The following MGA variants were observed in gnomAD, a reference collection of about 807,000 sequenced individuals.
The protein encoded by MGA is MAX gene-associated protein.
In MGA, 40 loss-of-function variants were observed where a neutral mutation model predicts 261.1. That is an observed-to-expected ratio of 0.15 (90% CI 0.12 to 0.20). The LOEUF (loss-of-function observed/expected upper bound fraction) is 0.20, where lower values mean the gene tolerates loss of function less well. MGA is among the 10% of genes least tolerant of loss of function. MGA has a pLI of 1.00. For missense variants in MGA, 3,397 were observed against 3,630.5 expected (o/e 0.94, Z 1.65); for synonymous variants, 1,302 against 1,290.6 (o/e 1.01, Z -0.19).
intron 14 of MGA, among the ~76,000 whole-genome samples, chr15:41,741,455 A>ATG (rs1395671210): frequency 6.6e-6 from 1 of 152,116 alleles, no homozygotes; most frequent in East Asian, 1.9e-4. Context: ...GTTTGGAGAA[A>ATG]TGTCTTTATA....
chr15:41,657,339 CTTTTTTTTTTTTTTTTT>C (rs373920516), upstream of MGA, among the ~76,000 whole-genome samples: 616 of 106,934 alleles, frequency 5.8e-3, 19 homozygotes, highest in East Asian at 0.12. Flanking sequence ...AGTGAAGGCC[CTTTTTTTTTTTTTTTTT>C]TTTTTTTTTT....
intron 1 of MGA, among the ~76,000 whole-genome samples, chr15:41,622,220 G>T (rs1306855780): frequency 6.6e-6 from 1 of 152,082 alleles, no homozygotes; most frequent in Non-Finnish European, 1.5e-5. Flanking sequence ...GGAGGCCTGG[G>T]GTCCAGGCCT....
intron 1 of MGA, among the ~76,000 whole-genome samples, chr15:41,652,077 T>A (rs1252150531): frequency 7.3e-6 from 1 of 137,926 alleles, no homozygotes; most frequent in Non-Finnish European, 1.5e-5. Context: ...GCCATTCTCC[T>A]GCCTCAGCCT....
chr15:41,669,794 A>G lies in MGA; in HGVS notation c.900A>G (p.Ser300=). ...TCCGTCTTACAGAAGGTCAGGGGTC[A>G]GAGATACAACCAGGTGATTTGGATC... is the stretch of plus-strand genomic sequence containing the variant. The change falls in exon 2 of 24, where the codon TCA becomes TCG. Residue 300 remains serine (S), a synonymous_variant. Transcript: ENST00000219905. 1.2e-6 allele frequency: 2 copies of G among 1,614,018 alleles called. No individual in the cohort carries two copies. The highest frequency in any genetic ancestry group is 1.7e-6 in the Non-Finnish European group (2 of 1,179,888).
At chr15:41,691,313 T>C (rs2059273390) in intron 2 of MGA, among the ~76,000 whole-genome samples, 1 of 152,236 alleles carries the variant, frequency 6.6e-6, no homozygotes, top group African/African-American at 2.4e-5. Flanking sequence ...AAAATGGAAT[T>C]ACTTCCTCAT....
rs558249260 is a variant in MGA at position 41,711,193 on chromosome 15, G to A, written c.2928G>A (p.Gln976=). 1 of 1,614,000 alleles carries A rather than the reference G, an allele frequency of 6.2e-7. No homozygotes were observed. Among genetic ancestry groups the A allele is most frequent in the Non-Finnish European group, 8.5e-7 (1 of 1,179,904 alleles). ...TTAGTTTGCGGCAGGCACAGCAGCA[G>A]CAGCAACAGCAACAGGGAAGTCGCC... is the stretch of plus-strand genomic sequence containing the variant. Residue 976 remains glutamine (Q), a synonymous_variant, in exon 8 of 24, where the codon CAG becomes CAA. Transcript: ENST00000219905.
chr15:41,749,597 A>T lies in MGA; in HGVS notation c.5990A>T (p.Glu1997Val), dbSNP rs1449912525. The T allele has an allele frequency of 1.9e-6, 3 of 1,613,788 alleles. No homozygotes were observed. Among genetic ancestry groups the T allele is most frequent in the African/African-American group, 2.7e-5 (2 of 74,900 alleles). The change falls in exon 17 of 24, where the codon GAA becomes GTA. Residue 1997 changes from glutamate to valine, a missense_variant. By Grantham distance (121) the Glu-to-Val change is moderately radical. This residue lies in a region of MGA where 1,410 missense variants were observed against 1,386.4 expected (regional missense o/e 1.02). Transcript: ENST00000219905. ...GAAACGAAGAAGGTTCTACAGTCAG[A>T]AGGAGAGGCTGTAGACCCTGAGGCT...
intron 2 of MGA, chr15:41,691,453 A>G (rs1293642558): frequency 8.4e-6 from 2 of 236,722 alleles, no homozygotes; most frequent in Non-Finnish European, 1.8e-5. Context: ...AGTATTTTCC[A>G]TATACAAGAT....
chr15:41,676,788 A>C (rs974960656), intron 2 of MGA, among the ~76,000 whole-genome samples: 1 of 152,180 alleles, frequency 6.6e-6, no homozygotes, highest in South Asian at 2.1e-4. Context: ...TTTAAATTTT[A>C]ATTAATTGCT....
In MGA at chr15:41,710,754, A is replaced by G; in HGVS notation, c.2489A>G (p.Tyr830Cys). 6.2e-7 allele frequency: 1 copy of G among 1,613,884 alleles called. No homozygotes were observed. Residue 830 changes from tyrosine (Y) to cysteine (C), a missense_variant, in exon 8 of 24, where the codon TAC becomes TGC. By Grantham distance (194) the Tyr-to-Cys change is radical. Around this residue, in one of 9 missense-constraint regions of MGA, gnomAD observed 519 missense variants for 554.1 expected, o/e 0.94. Coordinates refer to ENST00000219905, the MANE Select transcript of MGA (RefSeq NM_001164273.2). ...TTCTGTAGTGATAAGCTAGATGAAT[A>G]CTTGGAAAATGAAGGCAAGCTGATG...
At chr15:41,647,492 C>T (rs976175285) in intron 1 of MGA, among the ~76,000 whole-genome samples, 2 of 152,090 alleles carry the variant, frequency 1.3e-5, no homozygotes, top group African/African-American at 4.8e-5. Flanking sequence ...ATCCTTGACT[C>T]CTTGGTTATG....
intron 8 of MGA, among the ~76,000 whole-genome samples, chr15:41,711,610 A>G (rs1243300990): frequency 6.6e-6 from 1 of 152,158 alleles, no homozygotes; most frequent in Non-Finnish European, 1.5e-5. Flanking sequence ...AAGGCAACTG[A>G]CCATTCTGAA....
chr15:41,727,978 A>G (rs2061333708), intron 10 of MGA, among the ~76,000 whole-genome samples: 1 of 152,198 alleles, frequency 6.6e-6, no homozygotes, highest in South Asian at 2.1e-4. Context: ...ATGCTACTGA[A>G]TATGTTCTTT....
intron 1 of MGA, among the ~76,000 whole-genome samples, chr15:41,632,863 AAGC>A: frequency 6.6e-6 from 1 of 152,300 alleles, no homozygotes; most frequent in East Asian, 1.9e-4. Context: ...AACAGCACAA[AAGC>A]AGCCACAGAC....
In MGA at chr15:41,749,133, A is replaced by G; in HGVS notation, c.5526A>G (p.Leu1842=). 1 of 1,613,350 alleles carries G rather than the reference A, an allele frequency of 6.2e-7. No individual in the cohort carries two copies. The highest frequency in any genetic ancestry group is 1.7e-4 in the Middle Eastern group (1 of 6,058). ...CAGGGTCTGTGATGGGAATCCGGTT[A>G]CCTGCTCCTTCCAAACCCTCTGAGA... is the stretch of plus-strand genomic sequence containing the variant. Residue 1842 remains leucine (L), a synonymous_variant, in exon 17 of 24, where the codon TTA becomes TTG. Coordinates refer to ENST00000219905, the MANE Select transcript of MGA (RefSeq NM_001164273.2).
chr15:41,710,824 G>A lies in MGA; in HGVS notation c.2559G>A (p.Val853=), dbSNP rs751273756. Residue 853 remains valine (V), a synonymous_variant, in exon 8 of 24, where the codon GTG becomes GTA. Coordinates refer to ENST00000219905, the MANE Select transcript of MGA (RefSeq NM_001164273.2). The stretch of plus-strand genomic sequence containing the variant: ...CTTCTAATGCTCCCACATCTCCTGT[G>A]GTGTACCAGCTTCCCACTAAGAGTA... 2 of 1,613,758 alleles carry A rather than the reference G, an allele frequency of 1.2e-6. No individual in the cohort carries two copies. Among genetic ancestry groups the A allele is most frequent in the Non-Finnish European group, 1.7e-6 (2 of 1,179,880 alleles).
At chr15:41,728,625 A>G (rs140723955) in intron 10 of MGA, among the ~76,000 whole-genome samples, 119 of 152,322 alleles carry the variant, frequency 7.8e-4, no homozygotes, top group African/African-American at 2.6e-3. Flanking sequence ...TCTTCATACT[A>G]TCTTCACATG....
At chr15:41,756,673 TACTATATA>T (rs2063165717) in intron 18 of MGA, among the ~76,000 whole-genome samples, 1 of 152,246 alleles carries the variant, frequency 6.6e-6, no homozygotes, top group South Asian at 2.1e-4. Context: ...CATTGTGGAA[TACTATATA>T]ACTATATAAC....
At chr15:41,695,279 C>A (rs1334830697) in intron 2 of MGA, among the ~76,000 whole-genome samples, 1 of 151,972 alleles carries the variant, frequency 6.6e-6, no homozygotes, top group Non-Finnish European at 1.5e-5. Flanking sequence ...ACCTCCGCCT[C>A]CCGGGTTCAA....
Sources: allele counts gnomAD v4.1 joint callset (sites outside exome capture counted in the v4.1 genomes callset), GRCh38; gene constraint gnomAD v4.1.1; regional missense constraint gnomAD v4.1.1; transcripts MANE v1.5; gene names NCBI Gene and HGNC (gene_info 2026-07-23, HGNC 2026-07-21).